The following PARD3 variants were observed in gnomAD, a reference collection of about 807,000 sequenced individuals.
PARD3 encodes the protein par-3 family cell polarity regulator.
PARD3 carries 75 observed loss-of-function variants against 155.4 expected under a neutral mutation model. That is an observed-to-expected ratio of 0.48 (90% CI 0.40 to 0.58). The LOEUF is 0.58. PARD3 is among the 20% of genes least tolerant of loss of function. The pLI is 0.00. For missense variants in PARD3, 1,642 were observed against 1,721.7 expected, an observed-to-expected ratio of 0.95 and a Z score of 0.82; for synonymous variants, 576 against 610.5, an observed-to-expected ratio of 0.94 and a Z score of 0.83.
At chr10:34,637,325 A>T (rs1181451015) in intron 2 of PARD3, among the ~76,000 whole-genome samples, 1 of 152,168 alleles carries the variant, frequency 6.6e-6, no homozygotes, top group African/African-American at 2.4e-5. Flanking sequence ...CCTCATAACT[A>T]TTCAAGGGAT....
intron 22 of PARD3, among the ~76,000 whole-genome samples, chr10:34,241,740 G>A (rs1953610497): frequency 6.6e-6 from 1 of 152,130 alleles, no homozygotes; most frequent in South Asian, 2.1e-4. Context: ...GGGAGGACAT[G>A]GAATTCAGGA....
At chr10:34,516,882 A>G (rs1564800291) in intron 3 of PARD3, 97 bp downstream of exon 3, 7 of 1,181,564 alleles carry the variant, frequency 5.9e-6, no homozygotes, top group Admixed American at 2.2e-5. Flanking sequence ...AATAAAACAG[A>G]TAATTAATTC....
At position 34,657,706 on chromosome 10, in the gene PARD3, T is replaced by C. The variant is rs1197123325; in HGVS notation, c.222+38612A>G. ...GGCACACGCCACCACGCCTGGCTAATTTTTGTATTTTTAGTAGAGACGTGG... is the reference window on the plus strand; with the variant it reads ...GGCACACGCCACCACGCCTGGCTAACTTTTGTATTTTTAGTAGAGACGTGG... On this transcript the variant is annotated intron_variant, in intron 2 of 24. Transcript: ENST00000374788. Among the ~76,000 whole-genome samples, 6 of 152,072 alleles carry C rather than the reference T, an allele frequency of 3.9e-5. No individual in the cohort carries two copies. The East Asian group carries it at 1.2e-3, about 30-fold the overall frequency.
In PARD3 at chr10:34,704,723, T is replaced by C. The variant is rs114746301; in HGVS notation, c.121-8304A>G. Among the ~76,000 whole-genome samples, 1,497 of 152,348 alleles carry C rather than the reference T, an allele frequency of 9.8e-3. 30 individuals are homozygous for C. The highest frequency in any genetic ancestry group is 0.034 in the African/African-American group (1,418 of 41,572). On this transcript the variant is annotated intron_variant, in intron 1 of 24. Coordinates refer to ENST00000374788, the MANE Select transcript of PARD3 (RefSeq NM_001184785.2). ...CAATCCTAGTAGTGCTATCTGATCA[T>C]GTGCACATGTCACATTGAGAAACAC...
At chr10:34,665,890 C>CAGAACAGAACAGAACAGAACAG (rs2093452522) in intron 2 of PARD3, among the ~76,000 whole-genome samples, 1 of 148,664 alleles carries the variant, frequency 6.7e-6, no homozygotes, top group Non-Finnish European at 1.5e-5. Flanking sequence ...CAGAACAGAA[C>CAGAACAGAACAGAACAGAACAG]AGAACAGAAC....
At chr10:34,251,778 C>A (rs1410485166) in intron 22 of PARD3, among the ~76,000 whole-genome samples, 2 of 152,116 alleles carry the variant, frequency 1.3e-5, no homozygotes, top group Non-Finnish European at 2.9e-5. Context: ...ACAGAAACTC[C>A]AGGTTTCTTT....
intron 2 of PARD3, among the ~76,000 whole-genome samples, chr10:34,668,959 T>C (rs971970017): frequency 2.4e-4 from 36 of 152,186 alleles, no homozygotes; most frequent in African/African-American, 8.4e-4. Context: ...CTTATGAGCA[T>C]TGTTCTAGGA....
intron 3 of PARD3, among the ~76,000 whole-genome samples, chr10:34,504,827 G>C (rs1035222911): frequency 6.6e-6 from 1 of 152,208 alleles, no homozygotes; most frequent in East Asian, 1.9e-4. Context: ...CAAAGCCACT[G>C]CTGACACTAA....
chr10:34,645,300 G>A (rs573130809), intron 2 of PARD3, among the ~76,000 whole-genome samples: 1 of 151,920 alleles, frequency 6.6e-6, no homozygotes, highest in South Asian at 2.1e-4. Flanking sequence ...CTACCTCCCA[G>A]GTTCAAGAGA....
chr10:34,161,661 A>C (rs893583693), intron 22 of PARD3, among the ~76,000 whole-genome samples: 3 of 152,184 alleles, frequency 2.0e-5, no homozygotes, highest in Admixed American at 2.0e-4. Context: ...AGCTGGAAAA[A>C]AACATAAAAG....
intron 5 of PARD3, among the ~76,000 whole-genome samples, chr10:34,448,675 G>A (rs1342870952): frequency 1.3e-5 from 2 of 151,870 alleles, no homozygotes; most frequent in Non-Finnish European, 2.9e-5. Context: ...GCATGGTGGT[G>A]TACATGTATA....
chr10:34,210,340 A>T (rs1951682996), intron 22 of PARD3, among the ~76,000 whole-genome samples: 2 of 152,176 alleles, frequency 1.3e-5, no homozygotes. Context: ...CTTCCATGAC[A>T]TGTTAACATA....
chr10:34,150,561 TGGG>T (rs1189286835), intron 22 of PARD3, among the ~76,000 whole-genome samples: 1 of 152,168 alleles, frequency 6.6e-6, no homozygotes, highest in Non-Finnish European at 1.5e-5. Context: ...TACAATGTGC[TGGG>T]TTTGAGAGCA....
chr10:34,126,098 C>T (rs532115452), intron 23 of PARD3, among the ~76,000 whole-genome samples: 21 of 152,268 alleles, frequency 1.4e-4, no homozygotes, highest in African/African-American at 4.8e-4. Flanking sequence ...TATGTTGCAC[C>T]TGGCACTACG....
intron 14 of PARD3, among the ~76,000 whole-genome samples, chr10:34,358,903 A>G (rs1181181611): frequency 1.3e-5 from 2 of 152,210 alleles, no homozygotes. Flanking sequence ...GGGGCTTTTG[A>G]GATCCCAGTG....
At chr10:34,195,831 C>A (rs1950908748) in intron 22 of PARD3, among the ~76,000 whole-genome samples, 1 of 152,150 alleles carries the variant, frequency 6.6e-6, no homozygotes, top group African/African-American at 2.4e-5. Flanking sequence ...AATCTTGCCA[C>A]TCGCTAGCTA....
intron 23 of PARD3, among the ~76,000 whole-genome samples, chr10:34,120,189 T>C: frequency 8.0e-6 from 1 of 125,124 alleles, no homozygotes; most frequent in African/African-American, 4.5e-5. Context: ...GCTAATTTTT[T>C]TTTTTTTTTT....
intron 20 of PARD3, among the ~76,000 whole-genome samples, chr10:34,314,301 A>C (rs890800460): frequency 2.0e-5 from 3 of 152,244 alleles, no homozygotes; most frequent in Non-Finnish European, 4.4e-5. Flanking sequence ...GAATGTTTTG[A>C]AAAATCTAAC....
intron 14 of PARD3, among the ~76,000 whole-genome samples, chr10:34,356,339 G>A (rs1838873730): frequency 6.6e-6 from 1 of 152,138 alleles, no homozygotes; most frequent in Non-Finnish European, 1.5e-5. Flanking sequence ...TTGGAGAACA[G>A]CCTGGACAAC....
Sources: allele counts gnomAD v4.1 joint callset (sites outside exome capture counted in the v4.1 genomes callset), GRCh38; gene constraint gnomAD v4.1.1; transcripts MANE v1.5; gene names NCBI Gene and HGNC (gene_info 2026-07-23, HGNC 2026-07-21).